Variants in NPAS3 observed in about 807,000 individuals in gnomAD.
The protein encoded by NPAS3 is neuronal PAS domain protein 3.
In NPAS3, 14 loss-of-function variants were observed where a neutral mutation model predicts 73.1. The observed-to-expected ratio is 0.19, with a 90% CI of 0.13 to 0.30. The LOEUF is 0.30. Among genes scored for constraint, NPAS3 ranks in the 10% least tolerant of loss-of-function variants. The pLI is 1.00. For missense variants in NPAS3, 1,096 were observed against 1,250.0 expected, an observed-to-expected ratio of 0.88 and a Z score of 1.86; for synonymous variants, 620 against 541.5, an observed-to-expected ratio of 1.14 and a Z score of -2.01.
chr14:32,947,254 A>G (rs2036298575), intron 1 of NPAS3, among the ~76,000 whole-genome samples: 1 of 152,170 alleles, frequency 6.6e-6, no homozygotes, highest in Admixed American at 6.6e-5. Flanking sequence ...CTACAGTAAC[A>G]CTGCGGAAAA....
At chr14:33,352,940 T>C (rs1165739335) in intron 3 of NPAS3, among the ~76,000 whole-genome samples, 1 of 152,166 alleles carries the variant, frequency 6.6e-6, no homozygotes, top group Non-Finnish European at 1.5e-5. Flanking sequence ...ATAGGTCTTA[T>C]CAGAATCTGA....
rs186506065 is a variant in NPAS3, at chr14:33,557,254, C to T, written c.469-2867C>T. On this transcript the variant is annotated intron_variant, in intron 4 of 11. Coordinates refer to ENST00000356141, the Ensembl canonical transcript of NPAS3. ...TGGCAGTTTTGTCAAAGGTAAGGAG[C>T]CCAGTTCCCTTAGACAGTATTTTAT... Among the ~76,000 whole-genome samples the T allele has an allele frequency of 3.3e-5, 5 of 152,280 alleles. No individual in the cohort carries two copies. The East Asian group carries it at 9.7e-4, about 29-fold the overall frequency.
intron 2 of NPAS3, among the ~76,000 whole-genome samples, chr14:33,108,535 A>G (rs1464985015): frequency 6.6e-6 from 1 of 152,170 alleles, no homozygotes; most frequent in Admixed American, 6.6e-5. Flanking sequence ...GAACTATTGA[A>G]TTATGAAATA....
intron 5 of NPAS3, among the ~76,000 whole-genome samples, chr14:33,665,831 C>T (rs1445203775): frequency 1.3e-5 from 2 of 151,998 alleles, no homozygotes; most frequent in Non-Finnish European, 2.9e-5. Context: ...TTCCAAAATG[C>T]ACCGTGGGTT....
chr14:33,799,974 A>G, exon 12 of NPAS3: 1 of 1,613,878 alleles, frequency 6.2e-7, no homozygotes, highest in Non-Finnish European at 8.5e-7. Flanking sequence ...ATGCAGATCA[A>G]GGTGGAGCGC....
At position 33,148,420 on chromosome 14, in the gene NPAS3, G is replaced by A. The variant is rs981585465; in HGVS notation, c.141-66762G>A. ...CCTTAGAGATGCCCTGTCCATTATG[G>A]TAGGGCTTATTGACTGCTTAATACG... is the stretch of plus-strand genomic sequence containing the variant. On this transcript the variant is annotated intron_variant, in intron 2 of 11. Transcript: ENST00000356141. Among the ~76,000 whole-genome samples the A allele has an allele frequency of 2.6e-5, 4 of 152,166 alleles. No individual in the cohort carries two copies. The East Asian group carries it at 7.7e-4, about 29-fold the overall frequency.
chr14:33,198,703 G>A (rs775504679), intron 2 of NPAS3, among the ~76,000 whole-genome samples: 1 of 152,244 alleles, frequency 6.6e-6, no homozygotes, highest in Non-Finnish European at 1.5e-5. Context: ...CCAGGTCCGG[G>A]GGCGGAGCTG....
In NPAS3 at chr14:33,546,476, C is replaced by T. The variant is rs147069736; in HGVS notation, c.469-13645C>T. Among the ~76,000 whole-genome samples the T allele has an allele frequency of 2.5e-4, 38 of 152,332 alleles. 1 individual carries two copies. Among genetic ancestry groups the T allele is most frequent in the African/African-American group, 1.2e-4 (5 of 41,574 alleles). On this transcript the variant is annotated intron_variant, in intron 4 of 11. Coordinates refer to ENST00000356141, the Ensembl canonical transcript of NPAS3. ...TCACTTGCTGGATAACTCCCTACAT[C>T]TACCATTTCCTTGTGTGTGTTCTAG...
chr14:33,429,126 T>C (rs1198914521), intron 4 of NPAS3, among the ~76,000 whole-genome samples: 2 of 152,152 alleles, frequency 1.3e-5, no homozygotes, highest in African/African-American at 4.8e-5. Context: ...GTGGATGAAA[T>C]GACACCTTTG....
chr14:33,184,392 T>C (rs1291157704), intron 2 of NPAS3, among the ~76,000 whole-genome samples: 1 of 151,930 alleles, frequency 6.6e-6, no homozygotes, highest in African/African-American at 2.4e-5. Flanking sequence ...AGGAGCGTAA[T>C]GGAGAAGGGA....
At chr14:33,179,913 G>A (rs1248549177) in intron 2 of NPAS3, among the ~76,000 whole-genome samples, 2 of 152,138 alleles carry the variant, frequency 1.3e-5, no homozygotes, top group Admixed American at 6.5e-5. Flanking sequence ...GAAAAACAAC[G>A]TGATTCTTCT....
chr14:33,618,299 T>A (rs2057980344), intron 5 of NPAS3, among the ~76,000 whole-genome samples: 1 of 152,042 alleles, frequency 6.6e-6, no homozygotes, highest in African/African-American at 2.4e-5. Flanking sequence ...TATAATGTAA[T>A]ATATAATTAA....
intron 1 of NPAS3, among the ~76,000 whole-genome samples, chr14:32,965,952 G>T (rs545311522): frequency 6.6e-6 from 1 of 151,986 alleles, no homozygotes; most frequent in Non-Finnish European, 1.5e-5. Flanking sequence ...AATCAATCAC[G>T]TTTACAATAG....
At chr14:33,110,924 C>T (rs1196757528) in intron 2 of NPAS3, among the ~76,000 whole-genome samples, 1 of 152,064 alleles carries the variant, frequency 6.6e-6, no homozygotes, top group Non-Finnish European at 1.5e-5. Flanking sequence ...CAGGCACTAC[C>T]CACAGGACTG....
At chr14:33,361,440 T>G (rs1452959720) in intron 3 of NPAS3, among the ~76,000 whole-genome samples, 1 of 152,242 alleles carries the variant, frequency 6.6e-6, no homozygotes, top group Non-Finnish European at 1.5e-5. Context: ...CATTGTATGT[T>G]TTCCCCTTAG....
intron 5 of NPAS3, among the ~76,000 whole-genome samples, chr14:33,586,837 C>G (rs1027921137): frequency 1.3e-5 from 2 of 152,128 alleles, no homozygotes; most frequent in Non-Finnish European, 1.5e-5. Flanking sequence ...GTTTGTAAAC[C>G]TGTACTTAAG....
intron 9 of NPAS3, among the ~76,000 whole-genome samples, chr14:33,781,198 G>A (rs1291639276): frequency 6.6e-6 from 1 of 152,194 alleles, no homozygotes; most frequent in Non-Finnish European, 1.5e-5. Context: ...CAGCGTTCTT[G>A]TAGTGCTTAA....
At chr14:33,712,665 A>G (rs900173457) in intron 6 of NPAS3, among the ~76,000 whole-genome samples, 2 of 152,216 alleles carry the variant, frequency 1.3e-5, no homozygotes, top group African/African-American at 2.4e-5. Flanking sequence ...ACAATGCTAA[A>G]TGAAGTCAGA....
rs746015566 is a variant in NPAS3, at chr14:33,797,707, C to T, written c.1426+126C>T. ...TCACATTTCAGAGAGACATATGTCACATCAAGTTATTACTGAGTGTCTGCC... is the reference window on the plus strand; with the variant it reads ...TCACATTTCAGAGAGACATATGTCATATCAAGTTATTACTGAGTGTCTGCC... On this transcript the variant is annotated intron_variant, in intron 11 of 11. Transcript: ENST00000356141. The T allele has an allele frequency of 3.1e-4, 281 of 914,190 alleles. 1 individual carries two copies. Among genetic ancestry groups the T allele is most frequent in the Middle Eastern group, 2.1e-3 (7 of 3,414 alleles). 56.6% of individuals were successfully genotyped at this position (914,190 alleles called of 1,614,324 possible). A position where few individuals can be genotyped will look rare whatever the true frequency, so the allele number is the denominator to read the frequency against.
Sources: allele counts gnomAD v4.1 joint callset (sites outside exome capture counted in the v4.1 genomes callset), GRCh38; gene constraint gnomAD v4.1.1; transcripts MANE v1.5; gene names NCBI Gene and HGNC (gene_info 2026-07-23, HGNC 2026-07-21).